TIRAP: variants seen among roughly 807,000 people sequenced by gnomAD.
TIRAP encodes the protein toll/interleukin-1 receptor domain-containing adapter protein.
TIRAP carries 20 observed loss-of-function variants against 19.8 expected under a neutral mutation model. The observed-to-expected ratio is 1.01, with a 90% CI of 0.71 to 1.47. The LOEUF (loss-of-function observed/expected upper bound fraction) is 1.47. TIRAP is among the 40% of genes most tolerant of loss of function. The pLI, the probability that TIRAP is intolerant of heterozygous loss-of-function variation, is 0.00. For synonymous variants in TIRAP, 125 were observed against 121.7 expected (o/e 1.03, Z -0.18); for missense variants, 276 against 285.1 (o/e 0.97, Z 0.23).
chr11:126,290,925 G>A lies in TIRAP; in HGVS notation c.31G>A (p.Gly11Ser). Residue 11 changes from glycine (G) to serine (S), a missense_variant, in exon 3 of 5, where the codon GGC (glycine) becomes AGC (serine). Gly to Ser is a moderately conservative substitution (Grantham distance 56). Coordinates refer to ENST00000392679, the MANE Select transcript of TIRAP (RefSeq NM_001318777.2). This position sits in a 1 kb window ranked among gnomAD's most constrained non-coding sequence, Gnocchi z 4.9. MASSTSLPAP[G>S]SRPKKPLGKM... ...ATCATCGACCTCCCTCCCAGCTCCT[G>A]GCTCTCGGCCTAAGAAGCCTCTAGG... 1.2e-6 allele frequency: 2 copies of A among 1,607,444 alleles called. No homozygotes were observed. The highest frequency in any genetic ancestry group is 1.7e-6 in the Non-Finnish European group (2 of 1,176,576).
chr11:126,289,896 T>G (rs1044697381), intron 1 of TIRAP: 2 of 962,810 alleles, frequency 2.1e-6, no homozygotes, highest in African/African-American at 3.5e-5. Context: ...AGAAGCAGTC[T>G]GACAACCTCC....
At chr11:126,289,165 T>C (rs1234358279) in intron 1 of TIRAP, among the ~76,000 whole-genome samples, 2 of 152,258 alleles carry the variant, frequency 1.3e-5, no homozygotes, top group South Asian at 2.1e-4. Context: ...TTTGCTGCTA[T>C]GGTTTAAGTT....
At chr11:126,284,972 C>G (rs964542033) in intron 1 of TIRAP, among the ~76,000 whole-genome samples, 3 of 151,886 alleles carry the variant, frequency 2.0e-5, no homozygotes, top group African/African-American at 7.2e-5. Context: ...CGGCAGTGTT[C>G]GAGTTCCCAT....
At chr11:126,284,537 A>G (rs1951295524) in intron 1 of TIRAP, among the ~76,000 whole-genome samples, 1 of 151,988 alleles carries the variant, frequency 6.6e-6, no homozygotes, top group African/African-American at 2.4e-5. Context: ...TGCTACAGAC[A>G]TTCTTGTGAA....
chr11:126,293,001 G>A lies in TIRAP; in HGVS notation c.592G>A (p.Asp198Asn), dbSNP rs1161771233. The change falls in exon 4 of 5, where the codon GAT (aspartate) becomes AAT (asparagine). Residue 198 changes from aspartate to asparagine, a missense_variant. Coordinates refer to ENST00000392679, the MANE Select transcript of TIRAP (RefSeq NM_001318777.2). ...TGAGCTCCGATTCATGTACTACGTC[G>A]ATGGCAGGGGCCCTGATGGTGGCTT... is the stretch of plus-strand genomic sequence containing the variant. ...PPELRFMYYVDGRGPDGGFRQ... is the reference protein window; with the variant it reads ...PPELRFMYYVNGRGPDGGFRQ... The A allele has an allele frequency of 5.6e-6, 9 of 1,614,188 alleles. No individual in the cohort carries two copies. The highest frequency in any genetic ancestry group is 2.2e-5 in the East Asian group (1 of 44,892).
intron 1 of TIRAP, among the ~76,000 whole-genome samples, chr11:126,283,627 C>T (rs953093465): frequency 9.2e-5 from 14 of 152,194 alleles, no homozygotes; most frequent in African/African-American, 3.4e-4. Context: ...CAGCTACACA[C>T]GGGCTGGGCA....
rs145158457 is a variant in TIRAP, at chr11:126,290,645, C to T, written c.-93+60C>T. On this transcript the variant is annotated intron_variant, in intron 2 of 4. Transcript: ENST00000392679. The surrounding 1 kb of genome is among the most constrained non-coding windows in gnomAD (Gnocchi z 4.9). ...TCTAGAATCCAGCTCCAATCACAGT[C>T]GTGTCTGGCCCTAATCTCATGAGGA... 29 of 1,290,442 alleles carry T rather than the reference C, an allele frequency of 2.2e-5. No individual in the cohort carries two copies. The highest frequency in any genetic ancestry group is 9.3e-5 in the African/African-American group (6 of 64,544). 79.9% of individuals were successfully genotyped at this position (1,290,442 alleles called of 1,614,324 possible). A position where few individuals can be genotyped will look rare whatever the true frequency, so the allele number is the denominator to read the frequency against.
intron 1 of TIRAP, among the ~76,000 whole-genome samples, chr11:126,285,922 G>T (rs543844957): frequency 6.6e-6 from 1 of 151,896 alleles, no homozygotes; most frequent in South Asian, 2.1e-4. Flanking sequence ...AGGTGTGGTG[G>T]CTCACGTCTT....
chr11:126,289,781 A>G (rs1194330791), intron 1 of TIRAP: 1 of 985,322 alleles, frequency 1.0e-6, no homozygotes, highest in Non-Finnish European at 1.2e-6. Flanking sequence ...TAAGGCTGAA[A>G]GAGTGTCCGC....
Position 126,287,238 on chromosome 11 carries a change from T to C in TIRAP, c.-216-3224T>C, listed in dbSNP as rs1291563651. On this transcript the variant is annotated intron_variant, in intron 1 of 4. Coordinates refer to ENST00000392679, the MANE Select transcript of TIRAP (RefSeq NM_001318777.2). This position sits in a 1 kb window ranked among gnomAD's most constrained non-coding sequence, Gnocchi z 4.2. Reference sequence around the variant, plus strand: ...CTAAGAGATACATATTCTAATTATATGCCTTCACAGGCTCCAGTACATTCC... The same window carrying C: ...CTAAGAGATACATATTCTAATTATACGCCTTCACAGGCTCCAGTACATTCC... 6.6e-6 allele frequency among the ~76,000 whole-genome samples: 1 copy of C among 152,180 alleles called. No individual in the cohort carries two copies. Among genetic ancestry groups the C allele is most frequent in the African/African-American group, 2.4e-5 (1 of 41,430 alleles).
chr11:126,290,864 G>A lies in TIRAP; in HGVS notation c.-31G>A. On this transcript the variant is annotated 5_prime_UTR_variant, in exon 3 of 5. Coordinates refer to ENST00000392679, the MANE Select transcript of TIRAP (RefSeq NM_001318777.2). This position sits in a 1 kb window ranked among gnomAD's most constrained non-coding sequence, Gnocchi z 4.9. ...CCTCCTCCCCCTTCACCAATGCCTG[G>A]TCTCACGGGGCTAGTTTTGACCCCC... 1 of 1,588,376 alleles carries A rather than the reference G, an allele frequency of 6.3e-7. No homozygotes were observed. Among genetic ancestry groups the A allele is most frequent in the Non-Finnish European group, 8.6e-7 (1 of 1,165,588 alleles).
chr11:126,285,662 A>AT (rs1171887084), intron 1 of TIRAP, among the ~76,000 whole-genome samples: 1 of 151,850 alleles, frequency 6.6e-6, no homozygotes. Context: ...AATGTTTTTT[A>AT]TTTTATCATT....
At position 126,290,183 on chromosome 11, in the gene TIRAP, G is replaced by A. The variant is rs760443683; in HGVS notation, c.-216-279G>A. On this transcript the variant is annotated intron_variant, in intron 1 of 4. Coordinates refer to ENST00000392679, the MANE Select transcript of TIRAP (RefSeq NM_001318777.2). The surrounding 1 kb of genome is among the most constrained non-coding windows in gnomAD (Gnocchi z 4.9). The stretch of plus-strand genomic sequence containing the variant: ...ACTTCCATTTCACGGATGGAGAAAC[G>A]AGTTTAGCAAGGTGGCCAAAGGTCA... 3.9e-5 allele frequency among the ~76,000 whole-genome samples: 6 copies of A among 152,174 alleles called. No individual in the cohort carries two copies. Among genetic ancestry groups the A allele is most frequent in the Non-Finnish European group, 7.3e-5 (5 of 68,040 alleles).
chr11:126,294,189 T>C lies in TIRAP; in HGVS notation c.*502T>C. 4.0e-6 allele frequency: 1 copy of C among 251,018 alleles called. No individual in the cohort carries two copies. The highest frequency in any genetic ancestry group is 7.9e-6 in the Non-Finnish European group (1 of 126,074). The allele number at this position is 251,018 out of a possible 1,614,324, so 15.5% of individuals were successfully genotyped here. A position where few individuals can be genotyped will look rare whatever the true frequency, so the allele number is the denominator to read the frequency against. On this transcript the variant is annotated 3_prime_UTR_variant, in exon 5 of 5. Coordinates refer to ENST00000392679, the MANE Select transcript of TIRAP (RefSeq NM_001318777.2). ...ACCATGGATGGTCTTCCTAGTTGCC[T>C]GGGGAAACCCTGGAATGGGCATCAG... is the stretch of plus-strand genomic sequence containing the variant.
chr11:126,289,274 A>T (rs1050395459), intron 1 of TIRAP, among the ~76,000 whole-genome samples: 26 of 152,168 alleles, frequency 1.7e-4, no homozygotes, highest in Admixed American at 2.0e-4. Context: ...GCATAGAATG[A>T]CATTCTTTAA....
chr11:126,284,033 CTT>C (rs749115228), intron 1 of TIRAP, among the ~76,000 whole-genome samples: 17 of 113,160 alleles, frequency 1.5e-4, no homozygotes, highest in African/African-American at 2.7e-4. Flanking sequence ...TCATGTACTT[CTT>C]TTTTTTTTTT....
rs149692387 is a variant in TIRAP at position 126,294,593 on chromosome 11, G to A, written c.*906G>A. ...AATCACCATTTTTCTTCTGGCAGATGACTGTATTCCTTATAGGACAGGCAA... is the reference window on the plus strand; with the variant it reads ...AATCACCATTTTTCTTCTGGCAGATAACTGTATTCCTTATAGGACAGGCAA... On this transcript the variant is annotated 3_prime_UTR_variant, in exon 5 of 5. Transcript: ENST00000392679. 1.3e-3 allele frequency: 587 copies of A among 456,172 alleles called. 2 individuals carry two copies. Among genetic ancestry groups the A allele is most frequent in the African/African-American group, 9.5e-3 (478 of 50,182 alleles). 28.3% of individuals were successfully genotyped at this position (456,172 alleles called of 1,614,324 possible). A position where few individuals can be genotyped will look rare whatever the true frequency, so the allele number is the denominator to read the frequency against.
rs1951446847 is a variant in TIRAP, at chr11:126,294,367, C to T, written c.*680C>T. The T allele has an allele frequency of 2.7e-6, 1 of 363,824 alleles. No individual in the cohort carries two copies. Among genetic ancestry groups the T allele is most frequent in the African/African-American group, 2.1e-5 (1 of 46,862 alleles). 22.5% of individuals were successfully genotyped at this position (363,824 alleles called of 1,614,324 possible). A position where few individuals can be genotyped will look rare whatever the true frequency, so the allele number is the denominator to read the frequency against. ...CCTAGGTGCCATTAAAGACACAAAC[C>T]TAGAAGCCTAGAGGCCATTCTGAAT... On this transcript the variant is annotated 3_prime_UTR_variant, in exon 5 of 5. Coordinates refer to ENST00000392679, the MANE Select transcript of TIRAP (RefSeq NM_001318777.2).
At chr11:126,293,202 C>T (rs1951430118) in intron 4 of TIRAP, 147 bp downstream of exon 4, 1 of 1,446,730 alleles carries the variant, frequency 6.9e-7, no homozygotes, top group Non-Finnish European at 9.4e-7. Context: ...GGCTCCTGCA[C>T]TTATTAACCC....
Sources: allele counts gnomAD v4.1 joint callset (sites outside exome capture counted in the v4.1 genomes callset), GRCh38; gene constraint gnomAD v4.1.1; non-coding constraint Gnocchi (gnomAD v3.1); transcripts MANE v1.5; gene names NCBI Gene and HGNC (gene_info 2026-07-23, HGNC 2026-07-21).